NRG1: variants seen among roughly 807,000 people sequenced by gnomAD.
NRG1 encodes pro-neuregulin-1, membrane-bound isoform.
A neutral mutation model predicts 63.8 loss-of-function variants in NRG1; 18 were observed. That is an observed-to-expected ratio of 0.28 (90% CI 0.19 to 0.42). The LOEUF (loss-of-function observed/expected upper bound fraction) is 0.42. Among genes scored for constraint, NRG1 ranks in the 10% least tolerant of loss-of-function variants. The probability of loss-of-function intolerance (pLI) is 1.00; values close to 1 mark genes in which losing one functional copy is unlikely to be tolerated. For synonymous variants in NRG1, 302 were observed against 301.3 expected, an observed-to-expected ratio of 1.00 and a Z score of -0.02; for missense variants, 762 against 814.7, an observed-to-expected ratio of 0.94 and a Z score of 0.79.
intron 1 of NRG1, among the ~76,000 whole-genome samples, chr8:32,073,171 G>A (rs921472966): frequency 1.3e-5 from 2 of 152,088 alleles, no homozygotes; most frequent in Admixed American, 6.5e-5. Context: ...CCTGCCCTTT[G>A]GGTGTTCCGC....
At chr8:32,372,316 G>A in intron 1 of NRG1, among the ~76,000 whole-genome samples, 1 of 151,188 alleles carries the variant, frequency 6.6e-6, no homozygotes, top group East Asian at 1.9e-4. Context: ...TTTTTTTTAT[G>A]ATTCTGACTA....
At chr8:32,706,208 T>A (rs1816366355) in intron 5 of NRG1, among the ~76,000 whole-genome samples, 1 of 152,246 alleles carries the variant, frequency 6.6e-6, no homozygotes, top group African/African-American at 2.4e-5. Flanking sequence ...GGTCTGTGAC[T>A]GTCGTGGAGA....
chr8:32,695,464 T>G (rs1589254059), intron 5 of NRG1, among the ~76,000 whole-genome samples: 1 of 152,250 alleles, frequency 6.6e-6, no homozygotes, highest in Middle Eastern at 3.4e-3. Context: ...CAATGTACCC[T>G]TATCACAGTT....
intron 1 of NRG1, among the ~76,000 whole-genome samples, chr8:32,315,755 A>G (rs2129476254): frequency 6.6e-6 from 1 of 152,342 alleles, no homozygotes. Flanking sequence ...CATAGCTGTA[A>G]AATGAGTGAG....
At chr8:31,863,427 G>T (rs988569815) in intron 1 of NRG1, among the ~76,000 whole-genome samples, 1 of 152,136 alleles carries the variant, frequency 6.6e-6, no homozygotes, top group Non-Finnish European at 1.5e-5. Flanking sequence ...GCCAAGATAT[G>T]TGTCTAAGAG....
intron 1 of NRG1, among the ~76,000 whole-genome samples, chr8:32,049,986 C>T (rs1308314659): frequency 6.6e-6 from 1 of 152,002 alleles, no homozygotes; most frequent in Admixed American, 6.6e-5. Flanking sequence ...GAGAGAATAT[C>T]CTTCATAGAA....
chr8:32,450,246 G>T (rs1820788651), intron 1 of NRG1, among the ~76,000 whole-genome samples: 1 of 152,012 alleles, frequency 6.6e-6, no homozygotes, highest in African/African-American at 2.4e-5. Flanking sequence ...GGTTGATAAA[G>T]AATTAAATAA....
chr8:31,832,249 G>GTTTTTTTTT (rs5890599), intron 1 of NRG1, among the ~76,000 whole-genome samples: 2 of 136,142 alleles, frequency 1.5e-5, no homozygotes, highest in Non-Finnish European at 1.6e-5. Flanking sequence ...AAATGCTCTA[G>GTTTTTTTTT]TTTTTTTTTT....
intron 1 of NRG1, among the ~76,000 whole-genome samples, chr8:31,715,470 A>C (rs544860282): frequency 6.6e-6 from 1 of 152,206 alleles, no homozygotes; most frequent in Non-Finnish European, 1.5e-5. Flanking sequence ...TAACAGAGGT[A>C]TGAATAATAA....
At chr8:32,622,850 T>C (rs945528211) in intron 5 of NRG1, among the ~76,000 whole-genome samples, 1 of 152,208 alleles carries the variant, frequency 6.6e-6, no homozygotes. Flanking sequence ...AAAAGTGACA[T>C]GGCTCTAAAA....
chr8:32,173,007 C>T (rs572758418), intron 1 of NRG1, among the ~76,000 whole-genome samples: 49 of 152,068 alleles, frequency 3.2e-4, no homozygotes, highest in African/African-American at 8.2e-4. Flanking sequence ...AGATACTCCT[C>T]GAGAAGAGCA....
At chr8:32,702,427 T>A (rs1815159830) in intron 5 of NRG1, among the ~76,000 whole-genome samples, 1 of 152,232 alleles carries the variant, frequency 6.6e-6, no homozygotes, top group Non-Finnish European at 1.5e-5. Flanking sequence ...GCATTTGTGT[T>A]GGTAGAGATT....
chr8:32,423,279 T>C (rs1816925254), intron 1 of NRG1, among the ~76,000 whole-genome samples: 1 of 152,212 alleles, frequency 6.6e-6, no homozygotes, highest in East Asian at 1.9e-4. Context: ...GGCCATTTCA[T>C]CTTTATTACA....
chr8:32,548,630 C>CA, exon 1 of NRG1: 1 of 1,444,424 alleles, frequency 6.9e-7, no homozygotes. Flanking sequence ...CGCTCTCCCC[C>CA]TCGAGGGACA....
chr8:31,958,080 T>TAGATAGATAGATAGAC lies in NRG1; in HGVS notation c.37+318652_37+318653insTAGATAGATAGACAGA, dbSNP rs781754647. Among the ~76,000 whole-genome samples, 211 of 151,782 alleles carry TAGATAGATAGATAGAC rather than the reference T, an allele frequency of 1.4e-3. 1 individual carries two copies. The highest frequency in any genetic ancestry group is 8.9e-3 in the East Asian group (46 of 5,142). On this transcript the variant is annotated intron_variant, in intron 1 of 10. Transcript: ENST00000519301. ...ATAGATAGATAGATAGATAGATAGA[T>TAGATAGATAGATAGAC]AGACAGACAGATAGATAGGCAGAGA... is the stretch of plus-strand genomic sequence containing the variant.
At chr8:32,447,825 G>A (rs1361860221) in intron 1 of NRG1, among the ~76,000 whole-genome samples, 1 of 150,622 alleles carries the variant, frequency 6.6e-6, no homozygotes, top group African/African-American at 2.4e-5. Flanking sequence ...CCCTGGCCTG[G>A]GCAACAAAGC....
chr8:32,709,876 A>T (rs1050715059), intron 5 of NRG1, among the ~76,000 whole-genome samples: 2 of 152,234 alleles, frequency 1.3e-5, no homozygotes, highest in Non-Finnish European at 2.9e-5. Flanking sequence ...GATGAAAATT[A>T]CACAAATTAA....
chr8:32,414,153 TC>T lies in NRG1; in HGVS notation c.38-181674del, dbSNP rs1306488684. Among the ~76,000 whole-genome samples, 4 of 152,242 alleles carry T rather than the reference TC, an allele frequency of 2.6e-5. No individual in the cohort carries two copies. In the East Asian group the frequency reaches 7.7e-4, roughly 29 times the overall value. On this transcript the variant is annotated intron_variant, in intron 1 of 10. Transcript: ENST00000519301. Reference sequence around the variant, plus strand: ...CTTAGAAGATTTCTGGTCATCACTGTCTTTAGGGACTCAGAGTCTTCCTCTA... The same window carrying T: ...CTTAGAAGATTTCTGGTCATCACTGTTTTAGGGACTCAGAGTCTTCCTCTA...
intron 1 of NRG1, among the ~76,000 whole-genome samples, chr8:31,766,148 C>A (rs899127583): frequency 6.6e-6 from 1 of 151,890 alleles, no homozygotes; most frequent in Admixed American, 6.6e-5. Flanking sequence ...ACCAAGAAAA[C>A]ACACACACAC....
Sources: allele counts gnomAD v4.1 joint callset (sites outside exome capture counted in the v4.1 genomes callset), GRCh38; gene constraint gnomAD v4.1.1; transcripts MANE v1.5; gene names NCBI Gene and HGNC (gene_info 2026-07-23, HGNC 2026-07-21).